The following ATXN2 variants were observed in gnomAD, a reference collection of about 807,000 sequenced individuals.
ATXN2 encodes ataxin-2.
A neutral mutation model predicts 138.6 loss-of-function variants in ATXN2; 37 were observed. The observed-to-expected ratio is 0.27, with a 90% CI of 0.21 to 0.35. The LOEUF is 0.35. Among genes scored for constraint, ATXN2 ranks in the 10% least tolerant of loss-of-function variants. The pLI is 1.00. For missense variants in ATXN2, 1,216 were observed against 1,480.3 expected (o/e 0.82, Z 2.93); for synonymous variants, 549 against 543.7 (o/e 1.01, Z -0.13).
At chr12:111,572,552 G>A (rs948042463) in intron 1 of ATXN2, among the ~76,000 whole-genome samples, 2 of 152,304 alleles carry the variant, frequency 1.3e-5, no homozygotes, top group Admixed American at 1.3e-4. Context: ...TAGAGTTGAA[G>A]TCTAACAGCA....
intron 5 of ATXN2, among the ~76,000 whole-genome samples, chr12:111,536,542 G>A (rs1187500919): frequency 6.6e-6 from 1 of 152,096 alleles, no homozygotes; most frequent in African/African-American, 2.4e-5. Flanking sequence ...CAGCTATGTA[G>A]GATTGTAAAA....
At chr12:111,589,023 A>AAAC (rs1884503950) in intron 1 of ATXN2, among the ~76,000 whole-genome samples, 2 of 140,514 alleles carry the variant, frequency 1.4e-5, no homozygotes, top group Admixed American at 7.1e-5. Flanking sequence ...AAAAAAAAAA[A>AAAC]ACTAAACCAA....
chr12:111,485,611 G>A, intron 17 of ATXN2, 102 bp downstream of exon 17: 2 of 1,391,670 alleles, frequency 1.4e-6, no homozygotes, highest in Non-Finnish European at 2.0e-6. Context: ...AAATGCATAT[G>A]CATAACCATC....
In ATXN2 at chr12:111,552,541, C is replaced by A; in HGVS notation, c.421-111G>T. On this transcript the variant is annotated intron_variant, in intron 4 of 24. Coordinates refer to ENST00000673436, the MANE Select transcript of ATXN2 (RefSeq NM_001372574.1). This position sits in a 1 kb window ranked among gnomAD's most constrained non-coding sequence, Gnocchi z 4.1. ...CTTATATGCCTTTGACAAAAATAAT[C>A]TCAAGAGAATCATACCCTTTTTCCC... is the stretch of plus-strand genomic sequence containing the variant. 1 of 1,099,252 alleles carries A rather than the reference C, an allele frequency of 9.1e-7. No homozygotes were observed. Among genetic ancestry groups the A allele is most frequent in the Non-Finnish European group, 1.3e-6 (1 of 792,428 alleles). The allele number at this position is 1,099,252 out of a possible 1,614,324, so 68.1% of individuals were successfully genotyped here. A position where few individuals can be genotyped will look rare whatever the true frequency, so the allele number is the denominator to read the frequency against.
At chr12:111,543,214 T>A (rs1000108651) in intron 5 of ATXN2, among the ~76,000 whole-genome samples, 1 of 152,158 alleles carries the variant, frequency 6.6e-6, no homozygotes, top group Non-Finnish European at 1.5e-5. Flanking sequence ...CACAGCAAAG[T>A]TGAGGCCGTA....
At chr12:111,526,088 T>TG (rs1166955884) in intron 5 of ATXN2, among the ~76,000 whole-genome samples, 1 of 151,662 alleles carries the variant, frequency 6.6e-6, no homozygotes, top group Non-Finnish European at 1.5e-5. Context: ...CCAGATGTGG[T>TG]GGCTCATGCC....
At position 111,457,201 on chromosome 12, in the gene ATXN2, G is replaced by A; in HGVS notation, c.3042+13C>T. 6.2e-7 allele frequency: 1 copy of A among 1,609,022 alleles called. No individual in the cohort carries two copies. ...AAGAAGCCACTCCATGCAGACCTCTGAGTTGCCCTTACCTGAACAGGACTG... is the reference window on the plus strand; with the variant it reads ...AAGAAGCCACTCCATGCAGACCTCTAAGTTGCCCTTACCTGAACAGGACTG... On this transcript the variant is annotated intron_variant, in intron 22 of 24. Coordinates refer to ENST00000673436, the MANE Select transcript of ATXN2 (RefSeq NM_001372574.1).
rs966990001 is a variant in ATXN2 at position 111,493,692 on chromosome 12, G to A, written c.1936-4912C>T. On this transcript the variant is annotated intron_variant, in intron 14 of 24. Coordinates refer to ENST00000673436, the MANE Select transcript of ATXN2 (RefSeq NM_001372574.1). ...TGCCCAGGCTGGACGGCAGTGGCGC[G>A]ATCTCGGCTAACTGCAACCTCCGCC... Among the ~76,000 whole-genome samples, 8 of 150,922 alleles carry A rather than the reference G, an allele frequency of 5.3e-5. No homozygotes were observed. The South Asian group carries it at 6.3e-4, about 12-fold the overall frequency.
intron 21 of ATXN2, among the ~76,000 whole-genome samples, chr12:111,464,324 G>GGTGT (rs1304943527): frequency 7.9e-6 from 1 of 126,158 alleles, no homozygotes; most frequent in Non-Finnish European, 1.6e-5. Flanking sequence ...TTGTGGCTTG[G>GGTGT]GTGTGTGTGT....
Position 111,598,023 on chromosome 12 carries a change from G to A in ATXN2, c.251+761C>T, listed in dbSNP as rs1477117282. 3.4e-6 allele frequency: 4 copies of A among 1,190,726 alleles called. No individual in the cohort carries two copies. In the African/African-American group the frequency reaches 6.4e-5, roughly 19 times the overall value. 73.8% of individuals were successfully genotyped at this position (1,190,726 alleles called of 1,614,324 possible). A position where few individuals can be genotyped will look rare whatever the true frequency, so the allele number is the denominator to read the frequency against. ...CGGGGGAAGGAGGAAGGCCGGGACG[G>A]GGCCGGGCACTCCCCACCCCTTCCC... On this transcript the variant is annotated intron_variant, in intron 1 of 24. Coordinates refer to ENST00000673436, the MANE Select transcript of ATXN2 (RefSeq NM_001372574.1). The surrounding 1 kb of genome is among the most constrained non-coding windows in gnomAD (Gnocchi z 4.5).
At position 111,456,072 on chromosome 12, in the gene ATXN2, T is replaced by C. The variant is rs1875066628; in HGVS notation, c.3227A>G (p.Gln1076Arg). 6.2e-7 allele frequency: 1 copy of C among 1,614,094 alleles called. No homozygotes were observed. The highest frequency in any genetic ancestry group is 8.5e-7 in the Non-Finnish European group (1 of 1,180,046). Residue 1076 changes from glutamine to arginine, a missense_variant, in exon 23 of 25, where the codon CAG becomes CGG. Gln to Arg is a conservative substitution (Grantham distance 43, BLOSUM62 1). This residue lies in a region of ATXN2 where 490 missense variants were observed against 653.5 expected (regional missense o/e 0.75). Transcript: ENST00000673436. ...GTGGGGTGGGTTGGTATACGCCGGC[T>C]GAACGTGAGAAGGATGGATCGTAAA... ...TVFTIHPSHVQPAYTNPPHMA... is the reference protein window; with the variant it reads ...TVFTIHPSHVRPAYTNPPHMA...
At chr12:111,508,934 T>C (rs1879346612) in intron 14 of ATXN2, among the ~76,000 whole-genome samples, 1 of 152,240 alleles carries the variant, frequency 6.6e-6, no homozygotes, top group South Asian at 2.1e-4. Context: ...TCACTCATCC[T>C]TTAATTCAGC....
chr12:111,551,081 G>A (rs545071050), intron 5 of ATXN2, among the ~76,000 whole-genome samples: 13 of 152,196 alleles, frequency 8.5e-5, no homozygotes, highest in East Asian at 1.9e-4. Context: ...GGCGGATCAC[G>A]AGGTCAAACA....
Position 111,466,098 on chromosome 12 carries a change from G to A in ATXN2, c.2843-1383C>T, listed in dbSNP as rs573147745. Reference sequence around the variant, plus strand: ...GGAGAACTGCTTGAACCCAGGAGGCGGAGTTTGCAGGGAGCTGAGATCGCG... The same window carrying A: ...GGAGAACTGCTTGAACCCAGGAGGCAGAGTTTGCAGGGAGCTGAGATCGCG... On this transcript the variant is annotated intron_variant, in intron 20 of 24. Coordinates refer to ENST00000673436, the MANE Select transcript of ATXN2 (RefSeq NM_001372574.1). 4.6e-5 allele frequency among the ~76,000 whole-genome samples: 7 copies of A among 151,004 alleles called. No individual in the cohort carries two copies. In the East Asian group the frequency reaches 5.9e-4, roughly 13 times the overall value.
At chr12:111,497,961 A>G (rs1349784578) in intron 14 of ATXN2, among the ~76,000 whole-genome samples, 3 of 152,160 alleles carry the variant, frequency 2.0e-5, no homozygotes, top group African/African-American at 7.2e-5. Context: ...GCTTGCAGTG[A>G]GCCAACATTG....
At chr12:111,576,827 GGGCTC>G (rs1883682005) in intron 1 of ATXN2, among the ~76,000 whole-genome samples, 1 of 151,524 alleles carries the variant, frequency 6.6e-6, no homozygotes, top group Non-Finnish European at 1.5e-5. Flanking sequence ...GCATGGTGGC[GGGCTC>G]CTGTAGTCCC....
intron 20 of ATXN2, chr12:111,469,781 G>T (rs1876274309): frequency 5.7e-6 from 2 of 351,840 alleles, no homozygotes; most frequent in Non-Finnish European, 1.0e-5. Flanking sequence ...AAATTCTCTT[G>T]CATGTCGTAG....
intron 1 of ATXN2, among the ~76,000 whole-genome samples, chr12:111,568,759 C>T (rs1327100165): frequency 6.6e-6 from 1 of 152,184 alleles, no homozygotes; most frequent in African/African-American, 2.4e-5. Flanking sequence ...TTTAGTACAT[C>T]AGTTAGACAA....
chr12:111,591,154 G>A (rs1293033335), intron 1 of ATXN2, among the ~76,000 whole-genome samples: 1 of 152,070 alleles, frequency 6.6e-6, no homozygotes, highest in African/African-American at 2.4e-5. Flanking sequence ...CTCCCAAAGT[G>A]CTGGGATTAC....
Sources: allele counts gnomAD v4.1 joint callset (sites outside exome capture counted in the v4.1 genomes callset), GRCh38; gene constraint gnomAD v4.1.1; regional missense constraint gnomAD v4.1.1; non-coding constraint Gnocchi (gnomAD v3.1); transcripts MANE v1.5; gene names NCBI Gene and HGNC (gene_info 2026-07-23, HGNC 2026-07-21).